OCA2: variants seen among roughly 807,000 people sequenced by gnomAD.
The protein encoded by OCA2 is OCA2 melanosomal transmembrane protein.
Under a neutral mutation model 100.2 loss-of-function variants are expected in OCA2, and 77 were observed. That is an observed-to-expected ratio of 0.77 (90% CI 0.64 to 0.93). The LOEUF is 0.93. Ranked by LOEUF, OCA2 falls within the 40% of genes least tolerant of loss-of-function variation. The pLI is 0.00. For synonymous variants in OCA2, 432 were observed against 439.2 expected, an observed-to-expected ratio of 0.98 and a Z score of 0.21; for missense variants, 1,062 against 1,089.1, an observed-to-expected ratio of 0.98 and a Z score of 0.35.
intron 19 of OCA2, among the ~76,000 whole-genome samples, chr15:27,919,317 T>C (rs962001452): frequency 3.3e-5 from 5 of 152,248 alleles, no homozygotes; most frequent in African/African-American, 1.2e-4. Context: ...AAGTTGCACA[T>C]AGACGTTCGT....
At chr15:27,858,157 T>G (rs1190262818) in intron 21 of OCA2, among the ~76,000 whole-genome samples, 1 of 152,178 alleles carries the variant, frequency 6.6e-6, no homozygotes, top group Admixed American at 6.5e-5. Context: ...CCTGTTCACC[T>G]GAGGTCAGGA....
intron 2 of OCA2, among the ~76,000 whole-genome samples, chr15:28,034,083 A>G (rs1304334500): frequency 2.0e-5 from 3 of 152,172 alleles, no homozygotes; most frequent in African/African-American, 7.2e-5. Context: ...CATGAGTGCA[A>G]GACAAGCCTG....
At position 27,831,284 on chromosome 15, in the gene OCA2, C is replaced by CAAAAAA. The variant is rs71132824; in HGVS notation, c.2432+13669_2432+13674dup. 8.1e-4 allele frequency among the ~76,000 whole-genome samples: 51 copies of CAAAAAA among 62,624 alleles called. 6 individuals carry two copies. Among genetic ancestry groups the CAAAAAA allele is most frequent in the African/African-American group, 2.7e-3 (42 of 15,646 alleles). The allele number at this position is 62,624 out of a possible 152,430, so 41.1% of individuals were successfully genotyped here. On this transcript the variant is annotated intron_variant, in intron 23 of 23. Transcript: ENST00000354638. ...CTGGTGACAGAGCGAGACTCCGTCTCAAAAAAAAAAAAAAAAAAAAAATCG... is the reference window on the plus strand; with the variant it reads ...CTGGTGACAGAGCGAGACTCCGTCTCAAAAAAAAAAAAAAAAAAAAAAAAAAAATCG...
chr15:28,022,407 G>T, intron 6 of OCA2, 94 bp downstream of exon 6: 1 of 850,880 alleles, frequency 1.2e-6, no homozygotes, highest in Non-Finnish European at 2.0e-6. Flanking sequence ...CCTGTGCCGT[G>T]GCCTTCAGCA....
chr15:27,933,771 G>A (rs945334827), intron 18 of OCA2, among the ~76,000 whole-genome samples: 4 of 152,178 alleles, frequency 2.6e-5, no homozygotes, highest in Admixed American at 6.5e-5. Flanking sequence ...AAGTCATAGC[G>A]GAATGTTGTA....
At chr15:27,895,943 T>C (rs533250240) in intron 19 of OCA2, 12 of 678,642 alleles carry the variant, frequency 1.8e-5, no homozygotes, top group African/African-American at 7.0e-5. Flanking sequence ...AGCATATGCA[T>C]GTGAACTACG....
chr15:27,871,806 T>A (rs2036586999), intron 20 of OCA2, 57 bp downstream of exon 20: 1 of 1,249,066 alleles, frequency 8.0e-7, no homozygotes, highest in African/African-American at 1.5e-5. Context: ...TTTTAATTTT[T>A]TTCACAAAAT....
At chr15:27,852,641 C>T (rs2035795973) in intron 21 of OCA2, among the ~76,000 whole-genome samples, 1 of 151,586 alleles carries the variant, frequency 6.6e-6, no homozygotes, top group Non-Finnish European at 1.5e-5. Context: ...AGGCAACCTA[C>T]AAAATGGGAG....
Position 27,926,246 on chromosome 15 carries a change from C to G in OCA2, c.1960G>C (p.Ala654Pro), listed in dbSNP as rs778788354. ...PGIHLDLGWI[A>P]ILGAIWLLIL... Reference sequence around the variant, plus strand: ...AGCAACCAGATGGCACCCAGAATAGCAATCCATCCTGAAAATAAGTAAATA... The same window carrying G: ...AGCAACCAGATGGCACCCAGAATAGGAATCCATCCTGAAAATAAGTAAATA... The change falls in exon 19 of 24, where the codon GCT (alanine) becomes CCT (proline). Residue 654 changes from alanine (A) to proline (P), a missense_variant. By Grantham distance (27) the Ala-to-Pro change is conservative (BLOSUM62 -1). Coordinates refer to ENST00000354638, the MANE Select transcript of OCA2 (RefSeq NM_000275.3). The G allele has an allele frequency of 6.2e-7, 1 of 1,613,896 alleles. No individual in the cohort carries two copies. The highest frequency in any genetic ancestry group is 2.2e-5 in the East Asian group (1 of 44,876).
intron 17 of OCA2, among the ~76,000 whole-genome samples, chr15:27,953,584 A>C (rs2040109929): frequency 6.6e-6 from 1 of 152,230 alleles, no homozygotes; most frequent in African/African-American, 2.4e-5. Flanking sequence ...CAGCAACCAC[A>C]GAAAGTGGCT....
At chr15:28,048,613 G>T (rs538183645) in intron 2 of OCA2, among the ~76,000 whole-genome samples, 1 of 152,098 alleles carries the variant, frequency 6.6e-6, no homozygotes, top group Non-Finnish European at 1.5e-5. Flanking sequence ...CTTGGATTTG[G>T]CAATGGATCT....
intron 18 of OCA2, among the ~76,000 whole-genome samples, chr15:27,941,152 T>C (rs1229360256): frequency 6.6e-6 from 1 of 152,178 alleles, no homozygotes; most frequent in Non-Finnish European, 1.5e-5. Flanking sequence ...GAAAATATAA[T>C]TTACATAGAA....
chr15:27,991,244 G>A (rs1006289820), intron 9 of OCA2, among the ~76,000 whole-genome samples: 22 of 152,146 alleles, frequency 1.4e-4, no homozygotes, highest in African/African-American at 4.8e-4. Context: ...AGTTTCTTAC[G>A]AAGTTAAACA....
chr15:27,737,472 C>T, the OCA2 span, among the ~76,000 whole-genome samples: 1 of 152,048 alleles, frequency 6.6e-6, no homozygotes, highest in African/African-American at 2.4e-5. Context: ...GTCAATAGAA[C>T]AGAATAGTCT....
chr15:27,966,648 G>T (rs768363521), intron 15 of OCA2, 42 bp downstream of exon 15: 7 of 1,608,268 alleles, frequency 4.4e-6, no homozygotes, highest in Non-Finnish European at 6.0e-6. Flanking sequence ...CAATATTATG[G>T]TCATGAAATC....
At chr15:28,086,490 T>C (rs188510157) in intron 1 of OCA2, among the ~76,000 whole-genome samples, 343 of 152,238 alleles carry the variant, frequency 2.3e-3, no homozygotes, top group Admixed American at 7.8e-3. Context: ...TGGCGTGGTG[T>C]CAAAGGAAGG....
chr15:27,792,566 C>T (rs1443669753), intron 23 of OCA2, among the ~76,000 whole-genome samples: 1 of 152,208 alleles, frequency 6.6e-6, no homozygotes, highest in East Asian at 1.9e-4. Flanking sequence ...TGGCCCCCTG[C>T]AGCTTCTTCC....
At chr15:27,891,720 G>A (rs971199194) in intron 19 of OCA2, among the ~76,000 whole-genome samples, 26 of 152,152 alleles carry the variant, frequency 1.7e-4, no homozygotes, top group African/African-American at 6.0e-4. Flanking sequence ...ACCCATGGAT[G>A]CAAAAGCTAT....
intron 15 of OCA2, among the ~76,000 whole-genome samples, chr15:27,961,038 T>C (rs566710046): frequency 2.4e-4 from 36 of 152,212 alleles, no homozygotes; most frequent in African/African-American, 7.9e-4. Flanking sequence ...GCAGAAAATT[T>C]TTGTAATCTA....
Sources: gnomAD v4.1 joint callset for allele counts (sites outside exome capture counted in the v4.1 genomes callset) on GRCh38, gnomAD v4.1.1 for gene constraint, MANE v1.5 for transcripts, NCBI Gene and HGNC (gene_info 2026-07-23, HGNC 2026-07-21) for gene names.